The following AGL variants were observed in gnomAD, a reference collection of about 807,000 sequenced individuals.
AGL encodes glycogen debranching enzyme.
AGL carries 128 observed loss-of-function variants against 199.3 expected under a neutral mutation model. The ratio of observed to expected loss-of-function variants is 0.64; its 90% CI spans 0.56 to 0.74. The LOEUF (loss-of-function observed/expected upper bound fraction) is 0.74. Among genes scored for constraint, AGL ranks in the 30% least tolerant of loss-of-function variants. The pLI is 0.00. For synonymous variants in AGL, 584 were observed against 594.7 expected (o/e 0.98, Z 0.26); for missense variants, 1,809 against 1,820.8 (o/e 0.99, Z 0.12).
chr1:99,888,251 G>T, intron 21 of AGL, 143 bp downstream of exon 21: 1 of 1,031,838 alleles, frequency 9.7e-7, no homozygotes, highest in Non-Finnish European at 1.4e-6. Flanking sequence ...ATTGACCTTT[G>T]GCAAGTAATA....
chr1:99,913,844 A>T, intron 30 of AGL, 106 bp downstream of exon 30: 1 of 1,080,768 alleles, frequency 9.3e-7, no homozygotes. Flanking sequence ...AAAAAGTAGT[A>T]TATTGCTTAC....
At chr1:99,892,065 A>G (rs1428427880) in intron 23 of AGL, among the ~76,000 whole-genome samples, 1 of 152,120 alleles carries the variant, frequency 6.6e-6, no homozygotes, top group South Asian at 2.1e-4. Context: ...TTTTTCATCA[A>G]TTAGGAGAAA....
At chr1:99,876,626 G>A (rs1651560154) in intron 11 of AGL, 29 bp downstream of exon 11, 1 of 1,612,610 alleles carries the variant, frequency 6.2e-7, no homozygotes, top group Non-Finnish European at 8.5e-7. Flanking sequence ...CTCTGTGGAT[G>A]GGGAAAGAAT....
At chr1:99,875,127 A>G (rs1490944361) in intron 8 of AGL, 27 bp from the exon 9 acceptor site, 6 of 1,577,726 alleles carry the variant, frequency 3.8e-6, no homozygotes, top group Admixed American at 1.7e-5. Context: ...ATTAAATATT[A>G]TATCTGCATT....
chr1:99,884,490 T>G, intron 19 of AGL, 39 bp downstream of exon 19: 1 of 1,600,404 alleles, frequency 6.2e-7, no homozygotes, highest in Non-Finnish European at 8.6e-7. Flanking sequence ...TTTACTTATA[T>G]TTAAAATAGT....
intron 4 of AGL, among the ~76,000 whole-genome samples, chr1:99,862,828 G>A (rs1328539906): frequency 1.3e-5 from 2 of 152,098 alleles, no homozygotes; most frequent in South Asian, 2.1e-4. Context: ...CAACATCGGG[G>A]ATTACAATTC....
At chr1:99,882,142 AAAAAAAAAAAAAAG>A (rs55783609) in intron 17 of AGL, among the ~76,000 whole-genome samples, 77,686 of 150,434 alleles carry the variant, frequency 0.52, 20,604 homozygotes, top group East Asian at 0.67. Flanking sequence ...ATCTCAAAAA[AAAAAAAAAAAAAAG>A]AAAGAAATTT....
intron 27 of AGL, among the ~76,000 whole-genome samples, chr1:99,909,744 T>G (rs1654599630): frequency 1.3e-5 from 2 of 152,160 alleles, no homozygotes; most frequent in Admixed American, 1.3e-4. Context: ...CTTTACACTT[T>G]TTGAGTCCTC....
chr1:99,891,419 A>G (rs1652891619), intron 22 of AGL, 63 bp downstream of exon 22: 4 of 1,562,082 alleles, frequency 2.6e-6, no homozygotes, highest in East Asian at 4.5e-5. Flanking sequence ...TTACCATGTT[A>G]TATATAATAT....
chr1:99,874,072 T>A (rs1427409875), intron 7 of AGL, among the ~76,000 whole-genome samples: 1 of 151,998 alleles, frequency 6.6e-6, no homozygotes, highest in African/African-American at 2.4e-5. Flanking sequence ...AGGAATATGG[T>A]TGATGAAAAG....
chr1:99,884,540 A>C, intron 19 of AGL, 29 bp from the exon 20 acceptor site: 3 of 1,613,032 alleles, frequency 1.9e-6, no homozygotes, highest in Non-Finnish European at 2.5e-6. Flanking sequence ...ACTCCTAAAA[A>C]TTAACCACTT....
chr1:99,895,243 T>C (rs1043057427), intron 24 of AGL, among the ~76,000 whole-genome samples: 3 of 152,092 alleles, frequency 2.0e-5, no homozygotes, highest in African/African-American at 7.2e-5. Context: ...GGAGATGGGG[T>C]TTCACCATGT....
chr1:99,900,676 C>G lies in AGL; in HGVS notation c.3403C>G (p.Leu1135Val), dbSNP rs1444357442. The G allele has an allele frequency of 6.2e-7, 1 of 1,614,094 alleles. No homozygotes were observed. Reference protein sequence around the residue: ...LAFAGTLRHGLIPNLLGEGIY... With the variant: ...LAFAGTLRHGVIPNLLGEGIY... ...ATTTGCGGGTACCCTGAGGCATGGT[C>G]TCATTCCTAATCTACTGGGTGAAGG... Residue 1135 changes from leucine (L) to valine (V), a missense_variant, in exon 26 of 34, where the codon CTC (leucine) becomes GTC (valine). Physicochemically the swap from Leu to Val is conservative, Grantham distance 32. Transcript: ENST00000361915.
chr1:99,900,450 C>T (rs113571282), intron 25 of AGL, among the ~76,000 whole-genome samples, 186 bp from the exon 26 acceptor site: 10 of 152,244 alleles, frequency 6.6e-5, no homozygotes, highest in African/African-American at 2.4e-4. Context: ...AGTCTAGAAT[C>T]AAGGTTCCTG....
chr1:99,887,339 C>T (rs1652527945), intron 20 of AGL, among the ~76,000 whole-genome samples: 1 of 152,140 alleles, frequency 6.6e-6, no homozygotes, highest in African/African-American at 2.4e-5. Flanking sequence ...TGATAGTCTT[C>T]CCTCTGACAG....
In AGL at chr1:99,921,769, G is replaced by T; in HGVS notation, c.*118G>T. 1.5e-6 allele frequency: 1 copy of T among 651,846 alleles called. No homozygotes were observed. The highest frequency in any genetic ancestry group is 2.2e-5 in the South Asian group (1 of 45,822). The allele number at this position is 651,846 out of a possible 1,614,324, so 40.4% of individuals were successfully genotyped here. ...TAAAAATCTCATTTATTATAATATT[G>T]ATGCTCAATTAGGTAAGATTGTAAA... On this transcript the variant is annotated 3_prime_UTR_variant, in exon 34 of 34. Coordinates refer to ENST00000361915, the MANE Select transcript of AGL (RefSeq NM_000642.3).
chr1:99,901,669 G>A (rs1653847998), intron 26 of AGL, among the ~76,000 whole-genome samples: 1 of 150,162 alleles, frequency 6.7e-6, no homozygotes, highest in South Asian at 2.1e-4. Context: ...ACATTTTTGA[G>A]TGTTTTTTTT....
intron 25 of AGL, among the ~76,000 whole-genome samples, chr1:99,897,914 C>A (rs564410785): frequency 6.6e-6 from 1 of 152,174 alleles, no homozygotes; most frequent in South Asian, 2.1e-4. Context: ...AATGTTTAGG[C>A]TCCCAATTAT....
At chr1:99,921,331 A>G (rs1007037126) in intron 33 of AGL, among the ~76,000 whole-genome samples, 1 of 152,178 alleles carries the variant, frequency 6.6e-6, no homozygotes, top group Non-Finnish European at 1.5e-5. Flanking sequence ...TTGTATTTAA[A>G]AGTCTCAAAT....
Sources: gnomAD v4.1 joint callset for allele counts (sites outside exome capture counted in the v4.1 genomes callset) on GRCh38, gnomAD v4.1.1 for gene constraint, MANE v1.5 for transcripts, NCBI Gene and HGNC (gene_info 2026-07-23, HGNC 2026-07-21) for gene names.